SEC11A: variants seen among roughly 807,000 people sequenced by gnomAD.
The protein encoded by SEC11A is signal peptidase complex catalytic subunit SEC11A.
SEC11A carries 14 observed loss-of-function variants against 25.6 expected under a neutral mutation model. That is an observed-to-expected ratio of 0.55 (90% confidence interval 0.36 to 0.85). The LOEUF is 0.85. SEC11A is among the 40% of genes least tolerant of loss of function. SEC11A has a pLI of 0.01. For synonymous variants in SEC11A, 83 were observed against 76.4 expected, an observed-to-expected ratio of 1.09 and a Z score of -0.45; for missense variants, 153 against 222.9, an observed-to-expected ratio of 0.69 and a Z score of 2.00.
intron 3 of SEC11A, 122 bp from the exon 4 acceptor site, chr15:84,680,954 G>A (rs17533454): frequency 0.048 from 36,342 of 756,676 alleles, 1,111 homozygotes; most frequent in Non-Finnish European, 0.059. Flanking sequence ...TTCTAGTGTC[G>A]AAATAATTAT....
chr15:84,680,363 A>AC (rs1258062500), intron 4 of SEC11A, among the ~76,000 whole-genome samples: 4 of 152,054 alleles, frequency 2.6e-5, no homozygotes, highest in Non-Finnish European at 5.9e-5. Flanking sequence ...AGTGCTCTAG[A>AC]CCCCCAGAGG....
Position 84,670,107 on chromosome 15 carries a change from T to C in SEC11A, c.490-38A>G, listed in dbSNP as rs1364396163. The C allele has an allele frequency of 3.1e-6, 5 of 1,603,928 alleles. 1 individual carries two copies. The East Asian group carries it at 6.7e-5, about 22-fold the overall frequency. On this transcript the variant is annotated intron_variant, in intron 5 of 5. Transcript: ENST00000268220. ...CACAGAACCACAAGTCAGAGAAGCG[T>C]TGAAAAGTTCAGAGGTTCTAAGAGT...
chr15:84,699,211 A>C lies in SEC11A; in HGVS notation c.52-7567T>G, dbSNP rs565516165. On this transcript the variant is annotated intron_variant, in intron 1 of 5. Coordinates refer to ENST00000268220, the MANE Select transcript of SEC11A (RefSeq NM_014300.4). ...GTGCCTGTGGTCCCAGCTGCTCGGG[A>C]GGTTGAGGTGGGAGGATGACTTGAA... is the stretch of plus-strand genomic sequence containing the variant. 4.8e-5 allele frequency among the ~76,000 whole-genome samples: 7 copies of C among 147,006 alleles called. No homozygotes were observed. The South Asian group carries it at 1.6e-3, about 34-fold the overall frequency.
intron 2 of SEC11A, among the ~76,000 whole-genome samples, chr15:84,688,207 T>C (rs1278167795): frequency 6.6e-6 from 1 of 152,212 alleles, no homozygotes; most frequent in Non-Finnish European, 1.5e-5. Flanking sequence ...TTTATAAAGA[T>C]AACAGCCAAG....
At chr15:84,670,544 A>ATTTT (rs745508199) in intron 5 of SEC11A, 181 bp downstream of exon 5, 1 of 325,406 alleles carries the variant, frequency 3.1e-6, no homozygotes. Context: ...CAGGCTAATA[A>ATTTT]TTTTTTTTTT....
intron 4 of SEC11A, chr15:84,679,293 T>C (rs1451437731): frequency 8.0e-7 from 1 of 1,242,440 alleles, no homozygotes; most frequent in African/African-American, 1.5e-5. Flanking sequence ...ATGACCTAAT[T>C]TGGATTATAA....
chr15:84,681,110 G>A (rs1360116000), intron 3 of SEC11A, among the ~76,000 whole-genome samples: 1 of 152,048 alleles, frequency 6.6e-6, no homozygotes, highest in Non-Finnish European at 1.5e-5. Flanking sequence ...ATTTTATTAA[G>A]TGAAGAAAAG....
At chr15:84,698,222 G>C (rs775424658) in intron 1 of SEC11A, among the ~76,000 whole-genome samples, 1 of 152,074 alleles carries the variant, frequency 6.6e-6, no homozygotes, top group Non-Finnish European at 1.5e-5. Context: ...TGTATTTACT[G>C]ATCACAATGA....
intron 1 of SEC11A, among the ~76,000 whole-genome samples, chr15:84,705,852 C>CA (rs567620958): frequency 6.8e-5 from 10 of 147,014 alleles, no homozygotes; most frequent in South Asian, 2.2e-4. Context: ...GAGATTCCAT[C>CA]AAAAAAAAAA....
At chr15:84,701,517 C>G (rs1897941458) in intron 1 of SEC11A, among the ~76,000 whole-genome samples, 1 of 151,674 alleles carries the variant, frequency 6.6e-6, no homozygotes, top group African/African-American at 2.4e-5. Flanking sequence ...TGCACTCCAG[C>G]CTGGGCAACA....
At position 84,705,400 on chromosome 15, in the gene SEC11A, G is replaced by C. The variant is rs115503538; in HGVS notation, c.51+10625C>G. On this transcript the variant is annotated intron_variant, in intron 1 of 5. Coordinates refer to ENST00000268220, the MANE Select transcript of SEC11A (RefSeq NM_014300.4). Reference sequence around the variant, plus strand: ...TAGGTGGCAACACTTTGTGGGGCTGGGGTAATGTCTAATGTTCTCCAGTAT... The same window carrying C: ...TAGGTGGCAACACTTTGTGGGGCTGCGGTAATGTCTAATGTTCTCCAGTAT... Among the ~76,000 whole-genome samples, 389 of 152,252 alleles carry C rather than the reference G, an allele frequency of 2.6e-3. 3 individuals carry two copies. Among genetic ancestry groups the C allele is most frequent in the African/African-American group, 9.2e-3 (384 of 41,552 alleles).
At chr15:84,682,051 A>C (rs1307873747) in intron 3 of SEC11A, among the ~76,000 whole-genome samples, 1 of 152,110 alleles carries the variant, frequency 6.6e-6, no homozygotes, top group Non-Finnish European at 1.5e-5. Context: ...AGAGTGAGAC[A>C]CTGTCTTGAA....
intron 3 of SEC11A, among the ~76,000 whole-genome samples, chr15:84,683,389 AAAC>A (rs1241293904): frequency 5.7e-5 from 3 of 52,794 alleles, no homozygotes; most frequent in African/African-American, 4.8e-4. Flanking sequence ...CTGGCAAAAC[AAAC>A]AAACAAACAA....
At chr15:84,670,149 C>T (rs1896944273) in intron 5 of SEC11A, 80 bp from the exon 6 acceptor site, 9 of 1,385,456 alleles carry the variant, frequency 6.5e-6, no homozygotes, top group African/African-American at 2.9e-5. Flanking sequence ...ACAAATTGGT[C>T]TTTGTGAATA....
chr15:84,682,828 T>G (rs1203389052), intron 3 of SEC11A, among the ~76,000 whole-genome samples: 1 of 152,170 alleles, frequency 6.6e-6, no homozygotes, highest in Non-Finnish European at 1.5e-5. Flanking sequence ...ATTTTAAAAT[T>G]TAATTGAAAG....
At chr15:84,680,260 T>G (rs538054079) in intron 4 of SEC11A, among the ~76,000 whole-genome samples, 5 of 150,054 alleles carry the variant, frequency 3.3e-5, no homozygotes, top group South Asian at 4.2e-4. Flanking sequence ...GAGATCGCGC[T>G]ATTGCACTCC....
At chr15:84,687,579 T>TTA in intron 3 of SEC11A, 46 bp downstream of exon 3, 1 of 1,485,266 alleles carries the variant, frequency 6.7e-7, no homozygotes, top group Non-Finnish European at 8.9e-7. Flanking sequence ...CCACAAACAC[T>TTA]TAAACAAAAG....
chr15:84,693,969 T>C (rs1184373111), intron 1 of SEC11A, among the ~76,000 whole-genome samples: 1 of 152,180 alleles, frequency 6.6e-6, no homozygotes, highest in African/African-American at 2.4e-5. Flanking sequence ...ATGGCCAAAA[T>C]GCTAATAATT....
rs573569103 is a variant in SEC11A, at chr15:84,706,261, T to C, written c.51+9764A>G. On this transcript the variant is annotated intron_variant, in intron 1 of 5. Transcript: ENST00000268220. ...TTAATCCATCCATTAAGGGACATAA[T>C]GGTTCCATTAAACTGAATGTTAAGA... is the stretch of plus-strand genomic sequence containing the variant. 6.6e-4 allele frequency among the ~76,000 whole-genome samples: 100 copies of C among 152,264 alleles called. No individual in the cohort carries two copies. The South Asian group carries it at 9.7e-3, about 15-fold the overall frequency.
Sources: allele counts gnomAD v4.1 joint callset (sites outside exome capture counted in the v4.1 genomes callset), GRCh38; gene constraint gnomAD v4.1.1; transcripts MANE v1.5; gene names NCBI Gene and HGNC (gene_info 2026-07-23, HGNC 2026-07-21).